Variants in CYP4X1 observed in about 807,000 individuals in gnomAD.
The protein encoded by CYP4X1 is cytochrome P450 family 4 subfamily X member 1.
In CYP4X1, 44 loss-of-function variants were observed where a neutral mutation model predicts 57.9. The ratio of observed to expected loss-of-function variants is 0.76; its 90% CI spans 0.60 to 0.98. The LOEUF (loss-of-function observed/expected upper bound fraction) is 0.98, where lower values mean the gene tolerates loss of function less well. Among genes scored for constraint, CYP4X1 ranks in the 50% least tolerant of loss-of-function variants. The pLI is 0.00. For synonymous variants in CYP4X1, 227 were observed against 228.6 expected (o/e 0.99, Z 0.06); for missense variants, 532 against 623.9 (o/e 0.85, Z 1.57).
At chr1:46,975,290 T>C in the CYP4X1 span, among the ~76,000 whole-genome samples, 1 of 152,184 alleles carries the variant, frequency 6.6e-6, no homozygotes, top group Non-Finnish European at 1.5e-5. Flanking sequence ...TGTGTTTCTG[T>C]AGTGGCTGGC....
intron 1 of CYP4X1, 136 bp downstream of exon 1, chr1:47,024,130 G>A (rs1337325021): frequency 4.8e-5 from 51 of 1,060,932 alleles, no homozygotes; most frequent in Non-Finnish European, 6.5e-5. Context: ...TTCCAGCCCG[G>A]CCTGTGGCTC....
chr1:47,026,677 A>G (rs993336763), intron 1 of CYP4X1, among the ~76,000 whole-genome samples: 3 of 152,074 alleles, frequency 2.0e-5, no homozygotes, highest in East Asian at 1.9e-4. Context: ...TGAACACAGA[A>G]AGCCTTTCCG....
At chr1:47,046,338 A>G (rs1424967078) in intron 8 of CYP4X1, 129 bp from the exon 9 acceptor site, 2 of 1,276,498 alleles carry the variant, frequency 1.6e-6, no homozygotes, top group Non-Finnish European at 2.2e-6. Flanking sequence ...CCATTTTAAC[A>G]TTCTGTTACA....
At chr1:47,033,119 G>C (rs1393033434) in intron 3 of CYP4X1, 122 bp from the exon 4 acceptor site, 3 of 1,034,738 alleles carry the variant, frequency 2.9e-6, no homozygotes, top group Admixed American at 2.8e-5. Context: ...GTACTACTTT[G>C]ATACTCCACT....
chr1:46,980,064 C>A, the CYP4X1 span, among the ~76,000 whole-genome samples: 2 of 152,134 alleles, frequency 1.3e-5, no homozygotes, highest in East Asian at 1.9e-4. Context: ...TGAAAACTGG[C>A]ACAAGACAGG....
the CYP4X1 span, chr1:47,000,981 G>A: frequency 5.0e-6 from 1 of 201,202 alleles, no homozygotes; most frequent in East Asian, 1.2e-4. Context: ...TTTGTGGTAA[G>A]AGGATAGGGA....
chr1:46,977,800 G>A, the CYP4X1 span, among the ~76,000 whole-genome samples: 1 of 151,984 alleles, frequency 6.6e-6, no homozygotes, highest in Non-Finnish European at 1.5e-5. Flanking sequence ...TACAAGCCAG[G>A]AAAGAGTGGG....
intron 1 of CYP4X1, among the ~76,000 whole-genome samples, chr1:47,025,113 G>T (rs1345069368): frequency 6.6e-6 from 1 of 151,996 alleles, no homozygotes; most frequent in Admixed American, 6.6e-5. Context: ...TGGGTCATTG[G>T]GATGGATCCC....
At chr1:47,035,728 G>T (rs1459198760) in intron 4 of CYP4X1, 78 bp from the exon 5 acceptor site, 2 of 1,535,236 alleles carry the variant, frequency 1.3e-6, no homozygotes, top group African/African-American at 2.8e-5. Flanking sequence ...ATAAAAACAG[G>T]GCCAGGCAGG....
At position 47,036,122 on chromosome 1, in the gene CYP4X1, T is replaced by TC. The variant is rs768273029; in HGVS notation, c.727dup (p.Gln243ProfsTer35). 8.1e-6 allele frequency: 13 copies of TC among 1,613,584 alleles called. No homozygotes were observed. The highest frequency in any genetic ancestry group is 1.1e-5 in the Non-Finnish European group (13 of 1,179,784). ...GTGACATAATTTTCAAACTCAGCCC[T>TC]CAGGGCTACCGCTTCCAGAAGTTAA... On this transcript the variant is annotated frameshift_variant, in exon 6 of 12. Transcript: ENST00000371901. LOFTEE classifies it high-confidence loss of function.
Position 47,039,392 on chromosome 1 carries a change from C to T in CYP4X1, c.933C>T (p.Ser311=). Residue 311 remains serine, a synonymous_variant, in exon 8 of 12, where the codon AGC becomes AGT. Coordinates refer to ENST00000371901, the MANE Select transcript of CYP4X1 (RefSeq NM_178033.2). ...FSDIDVHSEV[S]TFLLAGHDTL... ...ATATTGATGTACACTCTGAAGTGAG[C>T]ACATTCCTGTTGGCAGGACATGACA... 6.2e-7 allele frequency: 1 copy of T among 1,613,354 alleles called. No individual in the cohort carries two copies.
chr1:47,055,211 T>C (rs1276149469), downstream of CYP4X1, among the ~76,000 whole-genome samples: 1 of 152,220 alleles, frequency 6.6e-6, no homozygotes, highest in African/African-American at 2.4e-5. Flanking sequence ...GTTTATATGC[T>C]GGATTATGTT....
At position 47,033,320 on chromosome 1, in the gene CYP4X1, C is replaced by T. The variant is rs781120234; in HGVS notation, c.444C>T (p.Ile148=). The change falls in exon 4 of 12, where the codon ATC becomes ATT. Residue 148 remains isoleucine, a synonymous_variant. Transcript: ENST00000371901. Reference sequence around the variant, plus strand: ...TAACTCCTGGATTCCATTTTAACATCCTGAAAGCATACATTGAGGTGATGG... The same window carrying T: ...TAACTCCTGGATTCCATTTTAACATTCTGAAAGCATACATTGAGGTGATGG... The part of the protein sequence containing the change: ...RLLTPGFHFN[I]LKAYIEVMAH... The T allele has an allele frequency of 1.9e-6, 3 of 1,613,810 alleles. No homozygotes were observed. Among genetic ancestry groups the T allele is most frequent in the East Asian group, 2.2e-5 (1 of 44,882 alleles).
At position 47,038,754 on chromosome 1, in the gene CYP4X1, C is replaced by T. The variant is rs770483152; in HGVS notation, c.870C>T (p.Val290=). The change falls in exon 7 of 12, where the codon GTC becomes GTT. Residue 290 remains valine (V), a synonymous_variant. Coordinates refer to ENST00000371901, the MANE Select transcript of CYP4X1 (RefSeq NM_178033.2). ...AGTACCAGGATTTTCTGGATATTGT[C>T]CTTTCTGCCAAGGTAAATCTTCTAA... ...KRKYQDFLDI[V]LSAKDESGSS... 4.4e-6 allele frequency: 7 copies of T among 1,609,132 alleles called. No homozygotes were observed. The highest frequency in any genetic ancestry group is 2.5e-6 in the Non-Finnish European group (3 of 1,177,770).
At chr1:46,967,338 T>C in the CYP4X1 span, among the ~76,000 whole-genome samples, 23 of 152,258 alleles carry the variant, frequency 1.5e-4, no homozygotes, top group East Asian at 4.4e-3. Flanking sequence ...ACTGACGTTG[T>C]GGTAGTTAAT....
the CYP4X1 span, among the ~76,000 whole-genome samples, chr1:46,982,264 C>T: frequency 6.6e-6 from 1 of 152,004 alleles, no homozygotes; most frequent in Admixed American, 6.6e-5. Flanking sequence ...TACTGAATTC[C>T]TTTGATTCCT....
At chr1:46,996,522 T>C in the CYP4X1 span, among the ~76,000 whole-genome samples, 1 of 152,190 alleles carries the variant, frequency 6.6e-6, no homozygotes, top group East Asian at 1.9e-4. Context: ...AGGAGTAACA[T>C]AGTCATTGAA....
At chr1:46,967,791 C>A in the CYP4X1 span, 8 of 1,358,400 alleles carry the variant, frequency 5.9e-6, no homozygotes, top group African/African-American at 1.1e-4. Flanking sequence ...TGGGATCAGG[C>A]AGCAGCTCAA....
rs1285042702 is a variant in CYP4X1, at chr1:47,047,915, C to T, written c.1208-650C>T. Among the ~76,000 whole-genome samples the T allele has an allele frequency of 3.3e-5, 5 of 152,140 alleles. No homozygotes were observed. The East Asian group carries it at 9.7e-4, about 29-fold the overall frequency. ...CCCAGCCAGTTCTGTGCTTTTATAC[C>T]TAAATTGTCTCCAGGAGTGCTTAAT... On this transcript the variant is annotated intron_variant, in intron 9 of 11. Coordinates refer to ENST00000371901, the MANE Select transcript of CYP4X1 (RefSeq NM_178033.2).
Sources: gnomAD v4.1 joint callset for allele counts (sites outside exome capture counted in the v4.1 genomes callset) on GRCh38, gnomAD v4.1.1 for gene constraint, MANE v1.5 for transcripts, NCBI Gene and HGNC (gene_info 2026-07-23, HGNC 2026-07-21) for gene names.